PCDH9: variants seen among roughly 807,000 people sequenced by gnomAD.
PCDH9 encodes the protein protocadherin-9.
A neutral mutation model predicts 70.6 loss-of-function variants in PCDH9; 24 were observed. The ratio of observed to expected loss-of-function variants is 0.34; its 90% CI spans 0.25 to 0.48. The LOEUF (loss-of-function observed/expected upper bound fraction) is 0.48, where lower values mean the gene tolerates loss of function less well. Among genes scored for constraint, PCDH9 ranks in the 20% least tolerant of loss-of-function variants. PCDH9 has a pLI of 0.99. For missense variants in PCDH9, 1,281 were observed against 1,503.6 expected (o/e 0.85, Z 2.45); for synonymous variants, 562 against 558.5 (o/e 1.01, Z -0.09).
intron 4 of PCDH9, among the ~76,000 whole-genome samples, chr13:66,452,693 G>T (rs920558883): frequency 1.3e-5 from 2 of 151,972 alleles, no homozygotes; most frequent in East Asian, 1.9e-4. Context: ...CAAAGTAATT[G>T]CAAATAAGAG....
chr13:66,902,430 G>A (rs1029811125), intron 3 of PCDH9, among the ~76,000 whole-genome samples: 16 of 151,378 alleles, frequency 1.1e-4, no homozygotes, highest in Non-Finnish European at 1.9e-4. Context: ...CATTACCAGT[G>A]GGATTTTTGA....
At chr13:67,023,618 A>T (rs1271567222) in intron 2 of PCDH9, among the ~76,000 whole-genome samples, 1 of 152,212 alleles carries the variant, frequency 6.6e-6, no homozygotes, top group Non-Finnish European at 1.5e-5. Context: ...AGACTGGACA[A>T]ATAAATGAAT....
chr13:66,654,663 T>C (rs769926096), intron 3 of PCDH9, among the ~76,000 whole-genome samples: 1 of 152,076 alleles, frequency 6.6e-6, no homozygotes. Context: ...AGTTGACATA[T>C]AGAAAAAAAG....
Position 67,227,207 on chromosome 13 carries a change from T to G in PCDH9, c.1234A>C (p.Lys412Gln), listed in dbSNP as rs1406168855. ...FIEREVPFHL[K>Q]AVYDNQYLLE... is the part of the protein sequence containing the mutation. ...AAATATTGGTTGTCATATACCGCCTTCAAATGAAATGGGACCTCTCTTTCA... is the reference window on the plus strand; with the variant it reads ...AAATATTGGTTGTCATATACCGCCTGCAAATGAAATGGGACCTCTCTTTCA... Residue 412 changes from lysine to glutamine, a missense_variant, in exon 2 of 5, where the codon AAG becomes CAG. This residue lies in a region of PCDH9 where 798 missense variants were observed against 1,003.1 expected (regional missense o/e 0.80). Transcript: ENST00000377865. This position sits in a 1 kb window ranked among gnomAD's most constrained non-coding sequence, Gnocchi z 4.6. The G allele has an allele frequency of 6.2e-7, 1 of 1,613,742 alleles. No individual in the cohort carries two copies. Among genetic ancestry groups the G allele is most frequent in the Admixed American group, 1.7e-5 (1 of 60,030 alleles).
intron 3 of PCDH9, among the ~76,000 whole-genome samples, chr13:66,790,798 T>C (rs1414257430): frequency 6.6e-6 from 1 of 152,078 alleles, no homozygotes; most frequent in Non-Finnish European, 1.5e-5. Flanking sequence ...AGCCATATTA[T>C]TAATCTATGA....
chr13:66,628,393 A>T lies in PCDH9; in HGVS notation c.3340+2817T>A, dbSNP rs3764115. Reference sequence around the variant, plus strand: ...ACCACATGATTCTTTTTAACAATAAATTTCTCATAATAACTTTATACATTT... The same window carrying T: ...ACCACATGATTCTTTTTAACAATAATTTTCTCATAATAACTTTATACATTT... On this transcript the variant is annotated intron_variant, in intron 4 of 4. Transcript: ENST00000377865. 4.2e-3 allele frequency among the ~76,000 whole-genome samples: 635 copies of T among 152,312 alleles called. 19 individuals carry two copies. The East Asian group carries it at 0.081, about 19-fold the overall frequency.
chr13:66,874,914 A>AGTGGGTGT (rs1555279816), intron 3 of PCDH9, among the ~76,000 whole-genome samples: 4 of 137,404 alleles, frequency 2.9e-5, no homozygotes, highest in African/African-American at 1.1e-4. Context: ...CAAAAGCAGC[A>AGTGGGTGT]GTGTGTGTGT....
At chr13:67,202,331 TGTTA>T (rs2089233946) in intron 2 of PCDH9, 1 of 152,150 alleles carries the variant, frequency 6.6e-6, no homozygotes, top group Non-Finnish European at 1.5e-5. Flanking sequence ...ATATTATTAT[TGTTA>T]TGTTTCACAT....
intron 3 of PCDH9, among the ~76,000 whole-genome samples, chr13:66,708,344 C>T (rs759017940): frequency 2.6e-5 from 4 of 151,842 alleles, no homozygotes; most frequent in East Asian, 1.9e-4. Context: ...CCACCGCGCC[C>T]GGCCCCAGAT....
chr13:66,779,068 T>C (rs2079947511), intron 3 of PCDH9, among the ~76,000 whole-genome samples: 1 of 152,190 alleles, frequency 6.6e-6, no homozygotes, highest in Non-Finnish European at 1.5e-5. Flanking sequence ...CTATCAATAT[T>C]TCATATTTTT....
chr13:67,104,954 C>G (rs2086508718), intron 2 of PCDH9, among the ~76,000 whole-genome samples: 1 of 152,188 alleles, frequency 6.6e-6, no homozygotes, highest in Non-Finnish European at 1.5e-5. Flanking sequence ...ACTTCCTCTT[C>G]CCTAAAATAG....
At chr13:67,193,084 T>C (rs976515990) in intron 2 of PCDH9, among the ~76,000 whole-genome samples, 18 of 152,080 alleles carry the variant, frequency 1.2e-4, no homozygotes, top group South Asian at 2.1e-4. Flanking sequence ...AAAGTTAAAA[T>C]TAATACTATG....
rs551085518 is a variant in PCDH9 at position 66,551,748 on chromosome 13, T to C, written c.3340+79462A>G. On this transcript the variant is annotated intron_variant, in intron 4 of 4. Transcript: ENST00000377865. ...GCTATCAGTGTACATTTGTAAATTA[T>C]ATTTTTTTCATCTTCTGCGTTAAAA... 3.9e-5 allele frequency among the ~76,000 whole-genome samples: 6 copies of C among 152,292 alleles called. No homozygotes were observed. The South Asian group carries it at 6.2e-4, about 16-fold the overall frequency.
intron 4 of PCDH9, among the ~76,000 whole-genome samples, chr13:66,623,257 AAAGAT>A (rs994822167): frequency 6.6e-6 from 1 of 152,240 alleles, no homozygotes; most frequent in Non-Finnish European, 1.5e-5. Context: ...CAAGCTTCTT[AAAGAT>A]AAGATGAGTG....
chr13:67,049,128 T>A (rs2085276596), intron 2 of PCDH9, among the ~76,000 whole-genome samples: 1 of 152,208 alleles, frequency 6.6e-6, no homozygotes, highest in African/African-American at 2.4e-5. Context: ...TACTTCTTGT[T>A]CTAATGAAAA....
At chr13:67,098,843 T>C (rs1033616427) in intron 2 of PCDH9, among the ~76,000 whole-genome samples, 1 of 151,774 alleles carries the variant, frequency 6.6e-6, no homozygotes, top group Admixed American at 6.6e-5. Flanking sequence ...TATAGTAAAA[T>C]AGCAAAAAAC....
At chr13:66,699,764 G>A (rs1232146457) in intron 3 of PCDH9, among the ~76,000 whole-genome samples, 1 of 152,074 alleles carries the variant, frequency 6.6e-6, no homozygotes, top group Non-Finnish European at 1.5e-5. Flanking sequence ...CTCAGTTGGT[G>A]GTCATTTGCT....
At chr13:66,676,979 A>G (rs1204022400) in intron 3 of PCDH9, among the ~76,000 whole-genome samples, 3 of 152,140 alleles carry the variant, frequency 2.0e-5, no homozygotes, top group Non-Finnish European at 4.4e-5. Flanking sequence ...TTTTCCAACT[A>G]TTCAAAGTCG....
intron 4 of PCDH9, among the ~76,000 whole-genome samples, chr13:66,543,879 T>C (rs1342864453): frequency 6.6e-6 from 1 of 152,110 alleles, no homozygotes; most frequent in Non-Finnish European, 1.5e-5. Context: ...CTGTGATGCA[T>C]TCTGGAAATG....
Sources: allele counts gnomAD v4.1 joint callset (sites outside exome capture counted in the v4.1 genomes callset), GRCh38; gene constraint gnomAD v4.1.1; regional missense constraint gnomAD v4.1.1; non-coding constraint Gnocchi (gnomAD v3.1); transcripts MANE v1.5; gene names NCBI Gene and HGNC (gene_info 2026-07-23, HGNC 2026-07-21).